Variants in PAPOLA observed in about 807,000 individuals in gnomAD.
PAPOLA encodes polynucleotide adenylyltransferase alpha.
In PAPOLA, 15 loss-of-function variants were observed where a neutral mutation model predicts 100.6. The ratio of observed to expected loss-of-function variants is 0.15; its 90% CI spans 0.10 to 0.23. The LOEUF (loss-of-function observed/expected upper bound fraction) is 0.23, where lower values mean the gene tolerates loss of function less well. PAPOLA is among the 10% of genes least tolerant of loss of function. The pLI is 1.00. For synonymous variants in PAPOLA, 293 were observed against 300.0 expected (o/e 0.98, Z 0.24); for missense variants, 533 against 884.2 (o/e 0.60, Z 5.04).
intron 1 of PAPOLA, among the ~76,000 whole-genome samples, chr14:96,515,101 A>G (rs1188206682): frequency 4.6e-5 from 7 of 152,234 alleles, no homozygotes; most frequent in Non-Finnish European, 8.8e-5. Context: ...TGGGACCAAG[A>G]TTGCCAAGAA....
intron 1 of PAPOLA, among the ~76,000 whole-genome samples, chr14:96,519,639 T>A (rs1172620734): frequency 6.6e-6 from 1 of 152,258 alleles, no homozygotes; most frequent in Non-Finnish European, 1.5e-5. Flanking sequence ...CTTCATTATC[T>A]ATGAACTTCG....
chr14:96,532,294 GT>G, intron 7 of PAPOLA, 36 bp from the exon 8 acceptor site: 1 of 1,581,070 alleles, frequency 6.3e-7, no homozygotes, highest in Non-Finnish European at 8.6e-7. Context: ...TTGTGTGTGT[GT>G]GTGTGTGTGT....
intron 15 of PAPOLA, among the ~76,000 whole-genome samples, chr14:96,546,503 A>G (rs908312308): frequency 6.6e-6 from 1 of 152,058 alleles, no homozygotes; most frequent in Non-Finnish European, 1.5e-5. Flanking sequence ...TGCCTTTTTC[A>G]TTATGTCTGT....
At position 96,566,121 on chromosome 14, in the gene PAPOLA, A is replaced by G. The variant is rs1371840710; in HGVS notation, c.*1071A>G. 2.0e-5 allele frequency: 8 copies of G among 391,894 alleles called. No homozygotes were observed. Among genetic ancestry groups the G allele is most frequent in the Non-Finnish European group, 3.2e-5 (7 of 221,646 alleles). The allele number at this position is 391,894 out of a possible 1,614,324, so 24.3% of individuals were successfully genotyped here. ...TGTACACTCCACAGAACTCCTATCT[A>G]TAGTAAAATTGATTTTCAGTTTTAA... On this transcript the variant is annotated 3_prime_UTR_variant, in exon 22 of 22. Coordinates refer to ENST00000216277, the MANE Select transcript of PAPOLA (RefSeq NM_032632.5).
intron 11 of PAPOLA, among the ~76,000 whole-genome samples, chr14:96,536,489 A>G (rs1208208986): frequency 6.6e-6 from 1 of 152,092 alleles, no homozygotes; most frequent in African/African-American, 2.4e-5. Context: ...GATTGGTTTG[A>G]CTGAAAACAG....
chr14:96,545,371 G>C (rs1900309766), intron 15 of PAPOLA, among the ~76,000 whole-genome samples: 1 of 152,026 alleles, frequency 6.6e-6, no homozygotes, highest in African/African-American at 2.4e-5. Context: ...ATCGCGAGCA[G>C]TGTGACATCT....
At chr14:96,504,774 T>C (rs1385128061) in intron 1 of PAPOLA, 1 of 152,212 alleles carries the variant, frequency 6.6e-6, no homozygotes, top group Non-Finnish European at 1.5e-5. Flanking sequence ...ATAGGGCTTC[T>C]TCCTCATTAA....
At chr14:96,508,593 T>C (rs1896892028) in intron 1 of PAPOLA, among the ~76,000 whole-genome samples, 1 of 152,202 alleles carries the variant, frequency 6.6e-6, no homozygotes, top group Admixed American at 6.5e-5. Flanking sequence ...CATCAGAACA[T>C]TCTATTCTTG....
At chr14:96,506,446 A>G (rs2140219196) in intron 1 of PAPOLA, among the ~76,000 whole-genome samples, 1 of 152,294 alleles carries the variant, frequency 6.6e-6, no homozygotes, top group East Asian at 1.9e-4. Context: ...AGAACAAGTG[A>G]TGAACTGTGG....
At chr14:96,508,765 G>A (rs757212950) in intron 1 of PAPOLA, among the ~76,000 whole-genome samples, 2 of 152,144 alleles carry the variant, frequency 1.3e-5, no homozygotes, top group East Asian at 1.9e-4. Context: ...TATTCTGTAT[G>A]TTCAGGGTTC....
At chr14:96,529,967 A>C (rs1198370397) in intron 6 of PAPOLA, among the ~76,000 whole-genome samples, 5 of 152,222 alleles carry the variant, frequency 3.3e-5, no homozygotes, top group African/African-American at 1.2e-4. Context: ...TGTTTTACTT[A>C]AAACTCAGTT....
intron 9 of PAPOLA, chr14:96,533,045 T>C: frequency 2.0e-6 from 2 of 978,956 alleles, no homozygotes; most frequent in Non-Finnish European, 2.4e-6. Context: ...TTTTTTTTTC[T>C]TTTTGCTTTC....
At chr14:96,562,611 A>C in intron 20 of PAPOLA, 1 of 380,534 alleles carries the variant, frequency 2.6e-6, no homozygotes, top group East Asian at 4.7e-5. Flanking sequence ...ATAAGATTTA[A>C]GTAGGCAAAT....
intron 6 of PAPOLA, among the ~76,000 whole-genome samples, chr14:96,528,273 G>C (rs1898669945): frequency 6.6e-6 from 1 of 152,186 alleles, no homozygotes; most frequent in Non-Finnish European, 1.5e-5. Context: ...TTTTTTGGTA[G>C]CTTTTCCATA....
intron 1 of PAPOLA, among the ~76,000 whole-genome samples, chr14:96,517,780 C>T (rs1204816346): frequency 5.3e-5 from 8 of 150,552 alleles, no homozygotes; most frequent in East Asian, 1.9e-4. Flanking sequence ...CTTGGCTTAC[C>T]GCAACCTCCA....
rs957722138 is a variant in PAPOLA, at chr14:96,567,103, A to AAG, written c.*2053_*2054insAG. 1 of 152,512 alleles carries AAG rather than the reference A, an allele frequency of 6.6e-6. No homozygotes were observed. The highest frequency in any genetic ancestry group is 2.4e-5 in the African/African-American group (1 of 41,396). 9.4% of individuals were successfully genotyped at this position (152,512 alleles called of 1,614,324 possible). A position where few individuals can be genotyped will look rare whatever the true frequency, so the allele number is the denominator to read the frequency against. ...CCATTGAAAACACAATAAAAAAAAA[A>AAG]CAGCACAATCTCACAGTTGCCTGAT... is the stretch of plus-strand genomic sequence containing the variant. On this transcript the variant is annotated 3_prime_UTR_variant, in exon 22 of 22. Coordinates refer to ENST00000216277, the MANE Select transcript of PAPOLA (RefSeq NM_032632.5).
At chr14:96,547,684 A>G in intron 15 of PAPOLA, 113 bp from the exon 16 acceptor site, 4 of 731,476 alleles carry the variant, frequency 5.5e-6, no homozygotes, top group Non-Finnish European at 6.6e-6. Flanking sequence ...CGATCTACAG[A>G]TATGCAGTAT....
rs112363788 is a variant in PAPOLA, at chr14:96,532,253, T to C, written c.608-78T>C. On this transcript the variant is annotated intron_variant, in intron 7 of 21. Coordinates refer to ENST00000216277, the MANE Select transcript of PAPOLA (RefSeq NM_032632.5). Reference sequence around the variant, plus strand: ...GCATTACCATTAAACTTTTGATGATTTAATGTTGTTTTTTTTTGTTTTGTT... The same window carrying C: ...GCATTACCATTAAACTTTTGATGATCTAATGTTGTTTTTTTTTGTTTTGTT... The C allele has an allele frequency of 3.1e-4, 462 of 1,482,102 alleles. 3 individuals are homozygous for C. The African/African-American group carries it at 6.0e-3, about 19-fold the overall frequency. The allele number at this position is 1,482,102 out of a possible 1,614,324, so 91.8% of individuals were successfully genotyped here.
In PAPOLA at chr14:96,534,813, T is replaced by A. The variant is rs1899378591; in HGVS notation, c.909+250T>A. 7 of 1,252,404 alleles carry A rather than the reference T, an allele frequency of 5.6e-6. No homozygotes were observed. The South Asian group carries it at 1.6e-4, about 28-fold the overall frequency. The allele number at this position is 1,252,404 out of a possible 1,614,324, so 77.6% of individuals were successfully genotyped here. On this transcript the variant is annotated intron_variant, in intron 10 of 21. Transcript: ENST00000216277. Reference sequence around the variant, plus strand: ...TACAGATTTTACTAACATTTTAATTTATTCTATATAGAACTACCTTGTAAG... The same window carrying A: ...TACAGATTTTACTAACATTTTAATTAATTCTATATAGAACTACCTTGTAAG...
Sources: allele counts gnomAD v4.1 joint callset (sites outside exome capture counted in the v4.1 genomes callset), GRCh38; gene constraint gnomAD v4.1.1; transcripts MANE v1.5; gene names NCBI Gene and HGNC (gene_info 2026-07-23, HGNC 2026-07-21).